ZMYM2: variants seen among roughly 807,000 people sequenced by gnomAD.
ZMYM2 encodes the protein zinc finger MYM-type containing 2.
ZMYM2 carries 56 observed loss-of-function variants against 162.8 expected under a neutral mutation model. The observed-to-expected ratio is 0.34, with a 90% confidence interval of 0.28 to 0.43. The LOEUF is 0.43. Ranked by LOEUF, ZMYM2 falls within the 20% of genes least tolerant of loss-of-function variation. The pLI is 1.00. For missense variants in ZMYM2, 1,275 were observed against 1,621.8 expected (o/e 0.79, Z 3.67); for synonymous variants, 510 against 541.6 (o/e 0.94, Z 0.81).
In ZMYM2 at chr13:20,087,799, G is replaced by T. The variant is rs1022408243; in HGVS notation, c.*1785G>T. ...ACATTACTAAAATAGATTGCTGATTGTCTATTTAACGAAGACAAGTGGGTA... is the reference window on the plus strand; with the variant it reads ...ACATTACTAAAATAGATTGCTGATTTTCTATTTAACGAAGACAAGTGGGTA... On this transcript the variant is annotated 3_prime_UTR_variant, in exon 25 of 25. Coordinates refer to ENST00000610343, the MANE Select transcript of ZMYM2 (RefSeq NM_197968.4). 5.3e-6 allele frequency: 1 copy of T among 187,200 alleles called. No homozygotes were observed. The highest frequency in any genetic ancestry group is 1.1e-5 in the Non-Finnish European group (1 of 88,728). 11.6% of individuals were successfully genotyped at this position (187,200 alleles called of 1,614,324 possible). A position where few individuals can be genotyped will look rare whatever the true frequency, so the allele number is the denominator to read the frequency against.
intron 2 of ZMYM2, among the ~76,000 whole-genome samples, chr13:19,962,061 A>G (rs1016963253): frequency 1.3e-5 from 2 of 152,130 alleles, no homozygotes; most frequent in Non-Finnish European, 2.9e-5. Context: ...CTACTTTTCC[A>G]TGGGCTGGGC....
At chr13:20,051,357 G>A (rs1593123874) in intron 12 of ZMYM2, 76 bp from the exon 13 acceptor site, 3 of 1,490,384 alleles carry the variant, frequency 2.0e-6, no homozygotes, top group Non-Finnish European at 2.7e-6. Context: ...ATCACATTTG[G>A]CAATAATCAC....
the ZMYM2 span, among the ~76,000 whole-genome samples, chr13:19,886,953 T>G: frequency 1.3e-5 from 2 of 151,464 alleles, no homozygotes; most frequent in African/African-American, 4.9e-5. Context: ...TGAGCCACCA[T>G]GCCCGGCCAA....
the ZMYM2 span, among the ~76,000 whole-genome samples, chr13:19,922,631 T>G: frequency 6.6e-6 from 1 of 151,262 alleles, no homozygotes; most frequent in Admixed American, 6.6e-5. Context: ...GATCACGAGG[T>G]CAGGAGATCG....
chr13:20,069,439 CTG>C (rs1956918867), intron 21 of ZMYM2, among the ~76,000 whole-genome samples: 1 of 25,302 alleles, frequency 4.0e-5, no homozygotes, highest in South Asian at 2.2e-3. Flanking sequence ...TGGTAGCTCC[CTG>C]TTACCAAGTT....
the ZMYM2 span, among the ~76,000 whole-genome samples, chr13:19,866,187 A>C: frequency 6.6e-6 from 1 of 152,038 alleles, no homozygotes; most frequent in Non-Finnish European, 1.5e-5. Flanking sequence ...GCATCACTGC[A>C]CTCCAGTCTG....
At chr13:20,053,704 A>G (rs1254293827) in intron 14 of ZMYM2, among the ~76,000 whole-genome samples, 1 of 152,208 alleles carries the variant, frequency 6.6e-6, no homozygotes, top group Non-Finnish European at 1.5e-5. Context: ...GTAACCAGAC[A>G]TGAGAATCAC....
intron 7 of ZMYM2, chr13:20,024,731 A>G (rs1008049340): frequency 9.1e-6 from 2 of 218,974 alleles, no homozygotes; most frequent in East Asian, 6.8e-5. Flanking sequence ...CTCTTCTATT[A>G]TATTTACACA....
chr13:20,052,662 T>C (rs1421594380), intron 14 of ZMYM2, among the ~76,000 whole-genome samples: 2 of 152,002 alleles, frequency 1.3e-5, no homozygotes, highest in Non-Finnish European at 2.9e-5. Context: ...ATGGCAATAG[T>C]ATGTTTGAAA....
intron 2 of ZMYM2, among the ~76,000 whole-genome samples, chr13:19,989,467 C>G (rs1300836167): frequency 6.6e-6 from 1 of 152,078 alleles, no homozygotes; most frequent in Non-Finnish European, 1.5e-5. Flanking sequence ...CCATGCCCAG[C>G]TAATTTTTGT....
chr13:19,864,803 G>C, the ZMYM2 span: 2 of 152,284 alleles, frequency 1.3e-5, no homozygotes, highest in Admixed American at 1.3e-4. Flanking sequence ...CGCCCGGTGA[G>C]GGCGGGCCCC....
At chr13:20,080,484 T>G (rs1432985733) in intron 21 of ZMYM2, among the ~76,000 whole-genome samples, 1 of 151,992 alleles carries the variant, frequency 6.6e-6, no homozygotes, top group Non-Finnish European at 1.5e-5. Flanking sequence ...TCCGACAATA[T>G]CTGTCTCTTT....
intron 6 of ZMYM2, among the ~76,000 whole-genome samples, chr13:20,010,635 CTGTT>C (rs150287324): frequency 2.1e-4 from 31 of 150,712 alleles, no homozygotes; most frequent in East Asian, 5.9e-4. Context: ...TTTTGTTTGT[CTGTT>C]TGTTTGTTTG....
At chr13:20,011,121 C>T (rs1260036609) in intron 6 of ZMYM2, among the ~76,000 whole-genome samples, 3 of 151,998 alleles carry the variant, frequency 2.0e-5, no homozygotes, top group South Asian at 2.1e-4. Flanking sequence ...TGAATCTATC[C>T]AATAATAATT....
intron 2 of ZMYM2, among the ~76,000 whole-genome samples, chr13:19,981,007 C>T (rs904658055): frequency 3.9e-5 from 6 of 152,086 alleles, no homozygotes; most frequent in Non-Finnish European, 8.8e-5. Flanking sequence ...CATGGTGGCT[C>T]ATGCCTGTAA....
At chr13:20,067,753 C>T (rs571056115) in intron 21 of ZMYM2, among the ~76,000 whole-genome samples, 4 of 152,098 alleles carry the variant, frequency 2.6e-5, no homozygotes, top group African/African-American at 7.2e-5. Context: ...TTGGCTATTT[C>T]ATAAAAAGAG....
At chr13:19,886,162 C>CTTTT in the ZMYM2 span, among the ~76,000 whole-genome samples, 116 of 98,422 alleles carry the variant, frequency 1.2e-3, 1 homozygote, top group Non-Finnish European at 1.4e-3. Flanking sequence ...TTCTTTCTTT[C>CTTTT]TTTTTTTTTT....
chr13:19,938,182 G>C, the ZMYM2 span, among the ~76,000 whole-genome samples: 5 of 152,048 alleles, frequency 3.3e-5, no homozygotes, highest in Admixed American at 2.6e-4. Flanking sequence ...TGGGATGGCT[G>C]GGTCAAACGG....
At chr13:19,988,696 G>A (rs1347989072) in intron 2 of ZMYM2, among the ~76,000 whole-genome samples, 1 of 152,106 alleles carries the variant, frequency 6.6e-6, no homozygotes, top group African/African-American at 2.4e-5. Context: ...GGCAGGAGAA[G>A]TGCTTGAACC....
Sources: allele counts gnomAD v4.1 joint callset (sites outside exome capture counted in the v4.1 genomes callset), GRCh38; gene constraint gnomAD v4.1.1; transcripts MANE v1.5; gene names NCBI Gene and HGNC (gene_info 2026-07-23, HGNC 2026-07-21).